Variants in MYZAP observed in about 807,000 individuals in gnomAD.
MYZAP encodes GRINL1A complex locus upstream.
A neutral mutation model predicts 69.4 loss-of-function variants in MYZAP; 66 were observed. The ratio of observed to expected loss-of-function variants is 0.95; its 90% CI spans 0.78 to 1.17. The LOEUF (loss-of-function observed/expected upper bound fraction) is 1.17, where lower values mean the gene tolerates loss of function less well. Among genes scored for constraint, MYZAP ranks in the 50% most tolerant of loss-of-function variants. The pLI, the probability that MYZAP is intolerant of heterozygous loss-of-function variation, is 0.00. For synonymous variants in MYZAP, 256 were observed against 205.9 expected (o/e 1.24, Z -2.09); for missense variants, 611 against 556.2 (o/e 1.10, Z -0.99).
chr15:57,637,830 T>G, intron 9 of MYZAP, 56 bp downstream of exon 9: 1 of 1,521,608 alleles, frequency 6.6e-7, no homozygotes, highest in South Asian at 1.2e-5. Flanking sequence ...CACGCTGTGT[T>G]TTTATGACCT....
intron 4 of MYZAP, among the ~76,000 whole-genome samples, chr15:57,622,333 A>G (rs972499158): frequency 6.6e-6 from 1 of 152,210 alleles, no homozygotes. Flanking sequence ...ATTCAGCATC[A>G]TAAGATCCAC....
chr15:57,642,054 C>G (rs1328200351), intron 10 of MYZAP, among the ~76,000 whole-genome samples: 2 of 152,208 alleles, frequency 1.3e-5, no homozygotes, highest in Non-Finnish European at 2.9e-5. Flanking sequence ...AATTGCAGCT[C>G]TTCATTCACA....
chr15:57,597,162 G>T (rs2255259), intron 1 of MYZAP, among the ~76,000 whole-genome samples: 72,035 of 151,882 alleles, frequency 0.47, 17,761 homozygotes, highest in African/African-American at 0.59. Context: ...AGGTGAGGAG[G>T]TTGACAGTTC....
intron 7 of MYZAP, among the ~76,000 whole-genome samples, 161 bp from the exon 8 acceptor site, chr15:57,633,452 C>T (rs1595890967): frequency 6.6e-6 from 1 of 152,222 alleles, no homozygotes; most frequent in Middle Eastern, 3.4e-3. Context: ...AGGTGAGAAC[C>T]AGAACCGTGA....
chr15:57,613,425 T>C (rs1358064251), intron 2 of MYZAP, among the ~76,000 whole-genome samples: 2 of 152,046 alleles, frequency 1.3e-5, no homozygotes, highest in Admixed American at 6.6e-5. Flanking sequence ...GGCTGGAGTA[T>C]AGTAGTATGA....
At chr15:57,592,154 C>G (rs1426463782) in intron 1 of MYZAP, 45 bp downstream of exon 1, 1 of 1,276,542 alleles carries the variant, frequency 7.8e-7, no homozygotes, top group Non-Finnish European at 9.9e-7. Context: ...TTCCCCCATC[C>G]CGGCCGCCCC....
chr15:57,662,098 G>T lies in MYZAP; in HGVS notation c.1203+565G>T, dbSNP rs565706943. On this transcript the variant is annotated intron_variant, in intron 11 of 12. Coordinates refer to ENST00000267853, the MANE Select transcript of MYZAP (RefSeq NM_001018100.5). ...TTAATTTTACCTGAAACTTTCAGATGCTTAGTATTCTTGACTTTCTGGCTT... is the reference window on the plus strand; with the variant it reads ...TTAATTTTACCTGAAACTTTCAGATTCTTAGTATTCTTGACTTTCTGGCTT... 3.3e-5 allele frequency among the ~76,000 whole-genome samples: 5 copies of T among 152,298 alleles called. No individual in the cohort carries two copies. The South Asian group carries it at 8.3e-4, about 25-fold the overall frequency.
intron 3 of MYZAP, 66 bp from the exon 4 acceptor site, chr15:57,621,542 A>G: frequency 6.4e-7 from 1 of 1,564,110 alleles, no homozygotes; most frequent in Non-Finnish European, 8.7e-7. Context: ...GTTTCTTAAA[A>G]GTTTTAGAAA....
rs143118005 is a variant in MYZAP at position 57,684,419 on chromosome 15, G to A, written c.1322G>A (p.Arg441His). 3.3e-5 allele frequency: 54 copies of A among 1,612,758 alleles called. No individual in the cohort carries two copies. The African/African-American group carries it at 6.0e-4, about 18-fold the overall frequency. ...DLLPSQTGRTREIVMPSRNYT... is the reference protein window; with the variant it reads ...DLLPSQTGRTHEIVMPSRNYT... ...TTTCTCAGCCAAACAGGCAGGACTC[G>A]TGAAATTGTGATGCCTTCTAGGAAC... The change falls in exon 13 of 13, where the codon CGT becomes CAT. Residue 441 changes from arginine to histidine, a missense_variant. Arg to His is a conservative substitution (Grantham distance 29). Transcript: ENST00000267853.
At chr15:57,669,279 A>G (rs1462483114) in intron 11 of MYZAP, among the ~76,000 whole-genome samples, 1 of 152,150 alleles carries the variant, frequency 6.6e-6, no homozygotes, top group Non-Finnish European at 1.5e-5. Context: ...ATATTTGCCT[A>G]CTACAAGGTC....
chr15:57,596,444 G>GT (rs2034064169), intron 1 of MYZAP, among the ~76,000 whole-genome samples: 1 of 152,202 alleles, frequency 6.6e-6, no homozygotes, highest in Non-Finnish European at 1.5e-5. Context: ...CACTCATCAT[G>GT]CCTTATGGTC....
At chr15:57,674,847 T>C in intron 11 of MYZAP, 121 bp from the exon 12 acceptor site, 1 of 781,306 alleles carries the variant, frequency 1.3e-6, no homozygotes, top group Non-Finnish European at 2.0e-6. Context: ...GCTCTGTAAA[T>C]ACATTGTGAT....
chr15:57,616,822 C>CTTGTTTTTTTTTTT (rs2035485971), intron 2 of MYZAP, among the ~76,000 whole-genome samples: 2 of 50,060 alleles, frequency 4.0e-5, no homozygotes, highest in Non-Finnish European at 6.9e-5. Context: ...AAAAAAAGTG[C>CTTGTTTTTTTTTTT]TTTTTTTTTT....
intron 10 of MYZAP, among the ~76,000 whole-genome samples, chr15:57,651,621 G>A (rs949952933): frequency 5.9e-5 from 9 of 152,192 alleles, no homozygotes; most frequent in East Asian, 3.8e-4. Flanking sequence ...TACTTGGGTC[G>A]TAATATCAGC....
At chr15:57,618,334 A>C in intron 3 of MYZAP, 146 bp downstream of exon 3, 2 of 1,310,374 alleles carry the variant, frequency 1.5e-6, no homozygotes, top group South Asian at 3.2e-5. Context: ...GTTTCTGTGT[A>C]TCTTCATGGT....
intron 12 of MYZAP, among the ~76,000 whole-genome samples, chr15:57,682,210 A>C (rs192481505): frequency 6.6e-6 from 1 of 152,198 alleles, no homozygotes; most frequent in East Asian, 1.9e-4. Context: ...TGGATTCTCC[A>C]CTTGTATGCT....
intron 5 of MYZAP, among the ~76,000 whole-genome samples, chr15:57,627,428 G>GAGGAGA (rs1169056440): frequency 6.7e-6 from 1 of 150,282 alleles, no homozygotes; most frequent in Non-Finnish European, 1.5e-5. Flanking sequence ...GGAGGAGGAG[G>GAGGAGA]AGGAGAAGGA....
At chr15:57,671,507 C>G (rs1468537290) in intron 11 of MYZAP, among the ~76,000 whole-genome samples, 3 of 152,040 alleles carry the variant, frequency 2.0e-5, no homozygotes, top group Non-Finnish European at 4.4e-5. Flanking sequence ...CTTCCTTTGA[C>G]TAAAAAACCC....
intron 1 of MYZAP, among the ~76,000 whole-genome samples, chr15:57,602,388 T>C (rs1185227038): frequency 6.6e-6 from 1 of 152,104 alleles, no homozygotes; most frequent in Non-Finnish European, 1.5e-5. Flanking sequence ...TGATGGGTCG[T>C]CTTAATGTTT....
Sources: gnomAD v4.1 joint callset for allele counts (sites outside exome capture counted in the v4.1 genomes callset) on GRCh38, gnomAD v4.1.1 for gene constraint, MANE v1.5 for transcripts, NCBI Gene and HGNC (gene_info 2026-07-23, HGNC 2026-07-21) for gene names.